The following GABRG1 variants were observed in gnomAD, a reference collection of about 807,000 sequenced individuals.
The protein encoded by GABRG1 is gamma-aminobutyric acid type A receptor subunit gamma1.
GABRG1 carries 49 observed loss-of-function variants against 49.8 expected under a neutral mutation model. The ratio of observed to expected loss-of-function variants is 0.98; its 90% CI spans 0.78 to 1.25. The LOEUF (loss-of-function observed/expected upper bound fraction) is 1.25. GABRG1 is among the 50% of genes most tolerant of loss of function. The pLI is 0.00. For missense variants in GABRG1, 552 were observed against 552.3 expected, an observed-to-expected ratio of 1.00 and a Z score of 0.01; for synonymous variants, 232 against 185.1, an observed-to-expected ratio of 1.25 and a Z score of -2.06.
chr4:46,123,883 G>C lies in GABRG1; in HGVS notation c.31C>G (p.Pro11Ala). 1 of 1,613,652 alleles carries C rather than the reference G, an allele frequency of 6.2e-7. No individual in the cohort carries two copies. The highest frequency in any genetic ancestry group is 8.5e-7 in the Non-Finnish European group (1 of 1,179,762). MGPLKAFLFS[P>A]FLLRSQSRGV... ...CTACTTTGACTCCGCAGAAGAAAAGGGGAGAAGAGAAAAGCTTTCAAAGGA... is the reference window on the plus strand; with the variant it reads ...CTACTTTGACTCCGCAGAAGAAAAGCGGAGAAGAGAAAAGCTTTCAAAGGA... The change falls in exon 1 of 9, where the codon CCT (proline) becomes GCT (alanine). Residue 11 changes from proline to alanine, a missense_variant. Pro to Ala is a conservative substitution (Grantham distance 27). Coordinates refer to ENST00000295452, the MANE Select transcript of GABRG1 (RefSeq NM_173536.4).
rs942586343 is a variant in GABRG1 at position 46,037,666 on chromosome 4, G to A, written c.*3322C>T. 1 of 151,646 alleles carries A rather than the reference G, an allele frequency of 6.6e-6. No individual in the cohort carries two copies. The highest frequency in any genetic ancestry group is 1.5e-5 in the Non-Finnish European group (1 of 67,760). The allele number at this position is 151,646 out of a possible 1,614,324, so 9.4% of individuals were successfully genotyped here. A position where few individuals can be genotyped will look rare whatever the true frequency, so the allele number is the denominator to read the frequency against. ...AAGAGTAAAAATAGGTACTGGTATA[G>A]AACTTTGAAAATATTATGCATGTAT... On this transcript the variant is annotated 3_prime_UTR_variant, in exon 9 of 9. Transcript: ENST00000295452.
At chr4:46,107,062 A>T (rs1302357024) in intron 1 of GABRG1, among the ~76,000 whole-genome samples, 1 of 151,336 alleles carries the variant, frequency 6.6e-6, no homozygotes, top group South Asian at 2.1e-4. Flanking sequence ...GTTACAAATA[A>T]TCCAATTATA....
chr4:46,046,985 A>G (rs141874268), intron 8 of GABRG1, among the ~76,000 whole-genome samples: 2 of 152,192 alleles, frequency 1.3e-5, no homozygotes, highest in East Asian at 1.9e-4. Flanking sequence ...TATCCTCAAC[A>G]TAGGTTATTT....
At chr4:46,116,649 T>C (rs1177865608) in intron 1 of GABRG1, among the ~76,000 whole-genome samples, 1 of 150,848 alleles carries the variant, frequency 6.6e-6, no homozygotes, top group Non-Finnish European at 1.5e-5. Flanking sequence ...CAAAAGATTG[T>C]CTTAGACTAT....
rs1553884495 is a variant in GABRG1 at position 46,118,132 on chromosome 4, G to GTATATATATATATATATATATA, written c.104+5677_104+5678insTATATATATATATATATATATA. Among the ~76,000 whole-genome samples the GTATATATATATATATATATATA allele has an allele frequency of 1.1e-4, 12 of 109,984 alleles. 1 individual carries two copies. Among genetic ancestry groups the GTATATATATATATATATATATA allele is most frequent in the African/African-American group, 5.0e-4 (9 of 17,862 alleles). 72.2% of individuals were successfully genotyped at this position (109,984 alleles called of 152,430 possible). A position where few individuals can be genotyped will look rare whatever the true frequency, so the allele number is the denominator to read the frequency against. ...TATATACATATATACGTGTGTGTGT[G>GTATATATATATATATATATATA]TATATATATATATACAGCTACAGTA... On this transcript the variant is annotated intron_variant, in intron 1 of 8. Coordinates refer to ENST00000295452, the MANE Select transcript of GABRG1 (RefSeq NM_173536.4).
In GABRG1 at chr4:46,109,598, C is replaced by T. The variant is rs545665698; in HGVS notation, c.105-12249G>A. Among the ~76,000 whole-genome samples the T allele has an allele frequency of 2.7e-4, 41 of 150,934 alleles. 1 individual carries two copies. The highest frequency in any genetic ancestry group is 1.2e-3 in the South Asian group (6 of 4,814). On this transcript the variant is annotated intron_variant, in intron 1 of 8. Coordinates refer to ENST00000295452, the MANE Select transcript of GABRG1 (RefSeq NM_173536.4). Reference sequence around the variant, plus strand: ...CTTATTTTTCTAGTTTCCCCAGGTGCGATGTTACATAATTAAATTGAGATT... The same window carrying T: ...CTTATTTTTCTAGTTTCCCCAGGTGTGATGTTACATAATTAAATTGAGATT...
At chr4:46,089,377 G>T (rs560796774) in intron 2 of GABRG1, among the ~76,000 whole-genome samples, 1 of 152,108 alleles carries the variant, frequency 6.6e-6, no homozygotes, top group South Asian at 2.1e-4. Context: ...CAAGACTAAG[G>T]TTGCAACTAT....
chr4:46,072,727 A>G (rs1201951908), intron 3 of GABRG1, among the ~76,000 whole-genome samples: 1 of 152,134 alleles, frequency 6.6e-6, no homozygotes, highest in African/African-American at 2.4e-5. Context: ...CACTGAAAAC[A>G]TAAGAGTATT....
intron 2 of GABRG1, among the ~76,000 whole-genome samples, chr4:46,087,431 G>T (rs555177202): frequency 6.6e-6 from 1 of 151,352 alleles, no homozygotes; most frequent in Admixed American, 6.6e-5. Flanking sequence ...AGTTAAAATA[G>T]AAGTCATTAA....
At position 46,078,694 on chromosome 4, in the gene GABRG1, T is replaced by C. The variant is rs958389193; in HGVS notation, c.321+5292A>G. Among the ~76,000 whole-genome samples the C allele has an allele frequency of 2.0e-5, 3 of 151,980 alleles. No homozygotes were observed. In the Admixed American group the frequency reaches 2.0e-4, roughly 10 times the overall value. On this transcript the variant is annotated intron_variant, in intron 3 of 8. Transcript: ENST00000295452. ...TGAGAGTTTATTATCAAAATGAGTT[T>C]GAAAAGTTAAAGAGGCTTACTTAAA... is the stretch of plus-strand genomic sequence containing the variant.
At chr4:46,096,715 C>A (rs767733315) in intron 2 of GABRG1, among the ~76,000 whole-genome samples, 1 of 151,460 alleles carries the variant, frequency 6.6e-6, no homozygotes, top group Admixed American at 6.6e-5. Context: ...TTAAAAAAGA[C>A]GTTTAAGCAA....
At chr4:46,110,225 CTG>C (rs1720673165) in intron 1 of GABRG1, among the ~76,000 whole-genome samples, 1 of 150,980 alleles carries the variant, frequency 6.6e-6, no homozygotes, top group Non-Finnish European at 1.5e-5. Context: ...TTTAAGATAA[CTG>C]AGTCTTCTTG....
chr4:46,082,028 T>TA (rs1304083557), intron 3 of GABRG1, among the ~76,000 whole-genome samples: 1 of 151,822 alleles, frequency 6.6e-6, no homozygotes, highest in African/African-American at 2.4e-5. Flanking sequence ...AGTGAACAAA[T>TA]ACCAAAGGCA....
chr4:46,099,770 A>G (rs1720313518), intron 1 of GABRG1, among the ~76,000 whole-genome samples: 1 of 151,786 alleles, frequency 6.6e-6, no homozygotes. Context: ...TAGTAGTCAG[A>G]GGCCAGTTCT....
At chr4:46,078,025 C>T (rs1719424648) in intron 3 of GABRG1, among the ~76,000 whole-genome samples, 1 of 151,262 alleles carries the variant, frequency 6.6e-6, no homozygotes, top group African/African-American at 2.4e-5. Flanking sequence ...TCAAAAGTAA[C>T]TAAATTTTTT....
At chr4:46,106,183 T>C (rs1720541213) in intron 1 of GABRG1, among the ~76,000 whole-genome samples, 1 of 151,450 alleles carries the variant, frequency 6.6e-6, no homozygotes, top group Non-Finnish European at 1.5e-5. Context: ...CAGACTTTCA[T>C]TCCTGACAGT....
chr4:46,038,154 G>GGGAA lies in GABRG1; in HGVS notation c.*2830_*2833dup, dbSNP rs1240511263. 1 of 151,538 alleles carries GGGAA rather than the reference G, an allele frequency of 6.6e-6. No homozygotes were observed. Among genetic ancestry groups the GGGAA allele is most frequent in the Admixed American group, 6.6e-5 (1 of 15,156 alleles). The allele number at this position is 151,538 out of a possible 1,614,324, so 9.4% of individuals were successfully genotyped here. On this transcript the variant is annotated 3_prime_UTR_variant, in exon 9 of 9. Transcript: ENST00000295452. ...CTTACATCAAGACTTCAGACTTACT[G>GGGAA]GGAAATTTTTCCCTGTCCCTGCTAA...
intron 8 of GABRG1, among the ~76,000 whole-genome samples, chr4:46,046,137 G>A (rs947720854): frequency 3.9e-5 from 6 of 151,974 alleles, no homozygotes; most frequent in Non-Finnish European, 8.8e-5. Context: ...TTTATGAATT[G>A]TTCTATTTGT....
At chr4:46,095,654 A>T (rs889265308) in intron 2 of GABRG1, among the ~76,000 whole-genome samples, 6 of 151,838 alleles carry the variant, frequency 4.0e-5, no homozygotes, top group African/African-American at 1.4e-4. Context: ...AAGTCAGTGA[A>T]AGAAAACATA....
Sources: allele counts gnomAD v4.1 joint callset (sites outside exome capture counted in the v4.1 genomes callset), GRCh38; gene constraint gnomAD v4.1.1; transcripts MANE v1.5; gene names NCBI Gene and HGNC (gene_info 2026-07-23, HGNC 2026-07-21).